Variants in CLNK observed in about 807,000 individuals in gnomAD.
CLNK encodes the protein cytokine-dependent hematopoietic cell linker.
CLNK carries 74 observed loss-of-function variants against 68.6 expected under a neutral mutation model. The ratio of observed to expected loss-of-function variants is 1.08; its 90% CI spans 0.89 to 1.31. The LOEUF (loss-of-function observed/expected upper bound fraction) is 1.31, where lower values mean the gene tolerates loss of function less well. Among genes scored for constraint, CLNK ranks in the 50% most tolerant of loss-of-function variants. CLNK has a pLI of 0.00. For missense variants in CLNK, 553 were observed against 515.3 expected (o/e 1.07, Z -0.71); for synonymous variants, 198 against 172.2 (o/e 1.15, Z -1.17).
At chr4:10,674,601 G>A (rs938167987) in intron 1 of CLNK, among the ~76,000 whole-genome samples, 18 of 152,102 alleles carry the variant, frequency 1.2e-4, no homozygotes, top group Admixed American at 1.1e-3. Flanking sequence ...TCCCTACGGG[G>A]CTCACTGTAC....
intron 2 of CLNK, among the ~76,000 whole-genome samples, chr4:10,611,568 G>A (rs1466873561): frequency 2.0e-5 from 3 of 151,874 alleles, no homozygotes; most frequent in Admixed American, 2.0e-4. Flanking sequence ...TCCCGTGAGT[G>A]CCAGAGGGGC....
chr4:10,711,962 G>T, the CLNK span, among the ~76,000 whole-genome samples: 1 of 152,120 alleles, frequency 6.6e-6, no homozygotes, highest in East Asian at 1.9e-4. Context: ...GGAAATATTG[G>T]CTGGGGCACC....
intron 4 of CLNK, among the ~76,000 whole-genome samples, chr4:10,576,401 C>T (rs895208813): frequency 1.3e-5 from 2 of 152,192 alleles, no homozygotes; most frequent in East Asian, 3.8e-4. Context: ...CCACAGACAC[C>T]AGACAGCTCC....
chr4:10,710,445 T>C, the CLNK span, among the ~76,000 whole-genome samples: 243 of 152,320 alleles, frequency 1.6e-3, no homozygotes, highest in African/African-American at 5.7e-3. Flanking sequence ...GTTTTTGTTT[T>C]CTGGAATGCG....
chr4:10,582,403 C>T (rs973499873), intron 4 of CLNK, among the ~76,000 whole-genome samples: 7 of 152,176 alleles, frequency 4.6e-5, no homozygotes, highest in Admixed American at 1.3e-4. Flanking sequence ...AGTATTTTCC[C>T]TGACAAGATG....
intron 1 of CLNK, among the ~76,000 whole-genome samples, chr4:10,672,433 C>T (rs1308783819): frequency 1.3e-5 from 2 of 152,080 alleles, no homozygotes; most frequent in African/African-American, 4.8e-5. Flanking sequence ...CCTTAGGACT[C>T]TTATGAAGAT....
At chr4:10,583,989 T>C (rs1402524794) in intron 4 of CLNK, among the ~76,000 whole-genome samples, 1 of 152,124 alleles carries the variant, frequency 6.6e-6, no homozygotes, top group Non-Finnish European at 1.5e-5. Flanking sequence ...GGGTGAGAGG[T>C]GCAGGTAGGT....
intron 2 of CLNK, among the ~76,000 whole-genome samples, chr4:10,655,526 C>T (rs2108885277): frequency 6.6e-6 from 1 of 151,680 alleles, no homozygotes; most frequent in Admixed American, 6.6e-5. Flanking sequence ...TGTGCATTGA[C>T]ATGGGGCTGA....
chr4:10,511,718 G>C (rs12501599), intron 16 of CLNK, among the ~76,000 whole-genome samples: 27,422 of 152,112 alleles, frequency 0.18, 2,922 homozygotes, highest in East Asian at 0.36. Context: ...GCTGTAAACT[G>C]TTTCATTGTG....
chr4:10,675,519 C>T (rs1453826544), intron 1 of CLNK, among the ~76,000 whole-genome samples: 1 of 152,198 alleles, frequency 6.6e-6, no homozygotes, highest in Non-Finnish European at 1.5e-5. Flanking sequence ...ACCAGTACTA[C>T]CAAACTGAGC....
chr4:10,702,976 G>A, the CLNK span, among the ~76,000 whole-genome samples: 2 of 152,134 alleles, frequency 1.3e-5, no homozygotes, highest in Non-Finnish European at 2.9e-5. Context: ...ACTAAGAGAC[G>A]AAGAGGAACT....
chr4:10,577,625 G>A (rs916424679), intron 4 of CLNK, among the ~76,000 whole-genome samples: 1 of 151,762 alleles, frequency 6.6e-6, no homozygotes. Flanking sequence ...TCTCCATCCT[G>A]TTGCCTGGAG....
At chr4:10,649,963 G>C (rs1723662991) in intron 2 of CLNK, among the ~76,000 whole-genome samples, 2 of 152,080 alleles carry the variant, frequency 1.3e-5, no homozygotes, top group African/African-American at 4.8e-5. Flanking sequence ...GTTCAGTCTA[G>C]ATATTAAAAC....
At chr4:10,509,142 A>C (rs1209964009) in intron 16 of CLNK, among the ~76,000 whole-genome samples, 1 of 149,956 alleles carries the variant, frequency 6.7e-6, no homozygotes, top group African/African-American at 2.5e-5. Flanking sequence ...TAAACCTGTC[A>C]CATGGTTGGC....
the CLNK span, among the ~76,000 whole-genome samples, chr4:10,703,243 A>G: frequency 0.62 from 93,462 of 151,926 alleles, 29,146 homozygotes; most frequent in Middle Eastern, 0.77. Flanking sequence ...GTAGTTATGA[A>G]CACTAAAGAA....
intron 14 of CLNK, among the ~76,000 whole-genome samples, chr4:10,521,999 G>A (rs974209876): frequency 5.3e-5 from 8 of 152,196 alleles, no homozygotes; most frequent in Admixed American, 1.3e-4. Flanking sequence ...TGGCTCACGC[G>A]TGTAATCCCA....
intron 8 of CLNK, among the ~76,000 whole-genome samples, chr4:10,550,401 A>T (rs1458963090): frequency 6.6e-6 from 1 of 152,170 alleles, no homozygotes; most frequent in Non-Finnish European, 1.5e-5. Context: ...AGGCTGAGGC[A>T]GGAGAATGGT....
chr4:10,501,518 G>T, intron 17 of CLNK, 107 bp from the exon 18 acceptor site: 1 of 1,177,708 alleles, frequency 8.5e-7, no homozygotes, highest in Non-Finnish European at 1.2e-6. Context: ...GATGGATTTA[G>T]TTTTTGGTAA....
intron 2 of CLNK, among the ~76,000 whole-genome samples, chr4:10,610,287 G>A (rs1239291716): frequency 2.2e-4 from 32 of 148,392 alleles, no homozygotes; most frequent in African/African-American, 6.9e-4. Flanking sequence ...CTCGTGATCC[G>A]CCCGCCTCGG....
Sources: gnomAD v4.1 joint callset for allele counts (sites outside exome capture counted in the v4.1 genomes callset) on GRCh38, gnomAD v4.1.1 for gene constraint, MANE v1.5 for transcripts, NCBI Gene and HGNC (gene_info 2026-07-23, HGNC 2026-07-21) for gene names.